Variants in ARFIP1 observed in about 807,000 individuals in gnomAD.
ARFIP1 encodes the protein ARF interacting protein 1.
In ARFIP1, 24 loss-of-function variants were observed where a neutral mutation model predicts 42.5. That is an observed-to-expected ratio of 0.57 (90% confidence interval 0.41 to 0.80). The LOEUF is 0.80. Ranked by LOEUF, ARFIP1 falls within the 30% of genes least tolerant of loss-of-function variation. The pLI is 0.00. For missense variants in ARFIP1, 354 were observed against 434.0 expected (o/e 0.82, Z 1.64); for synonymous variants, 141 against 153.7 (o/e 0.92, Z 0.61).
intron 1 of ARFIP1, among the ~76,000 whole-genome samples, chr4:152,795,820 A>ATGTTTTTTTTTTTTTTTTTT (rs1731416494): frequency 3.6e-5 from 1 of 28,066 alleles, no homozygotes; most frequent in Non-Finnish European, 6.2e-5. Context: ...GGCCCTTGTA[A>ATGTTTTTTTTTTTTTTTTTT]TTTTTTTTTT....
chr4:152,884,678 A>T (rs936649182), intron 7 of ARFIP1, among the ~76,000 whole-genome samples: 6 of 152,016 alleles, frequency 3.9e-5, no homozygotes, highest in Non-Finnish European at 5.9e-5. Context: ...TAAACAGTTT[A>T]TAATTAATTT....
chr4:152,901,586 G>T (rs1277279202), intron 8 of ARFIP1, among the ~76,000 whole-genome samples: 2 of 152,140 alleles, frequency 1.3e-5, no homozygotes, highest in Non-Finnish European at 2.9e-5. Context: ...TGCTGTAATT[G>T]TTTCTGATAT....
chr4:152,822,296 TA>T (rs70949618), intron 1 of ARFIP1, among the ~76,000 whole-genome samples: 5,796 of 65,458 alleles, frequency 0.089, 168 homozygotes, highest in African/African-American at 0.15. Context: ...GCAACAGCAG[TA>T]AAAAAAAAAA....
chr4:152,823,494 G>A (rs1730555970), intron 1 of ARFIP1, among the ~76,000 whole-genome samples: 1 of 152,160 alleles, frequency 6.6e-6, no homozygotes, highest in Non-Finnish European at 1.5e-5. Context: ...AATGATACCA[G>A]TTCTGGCTGG....
At chr4:152,781,446 A>T (rs1455734750) in intron 1 of ARFIP1, among the ~76,000 whole-genome samples, 1 of 152,112 alleles carries the variant, frequency 6.6e-6, no homozygotes, top group East Asian at 1.9e-4. Flanking sequence ...CGTGTTGGCC[A>T]GGCTGGTCTC....
chr4:152,881,729 A>G (rs1735862332), intron 6 of ARFIP1, among the ~76,000 whole-genome samples: 1 of 152,186 alleles, frequency 6.6e-6, no homozygotes, highest in Non-Finnish European at 1.5e-5. Flanking sequence ...GACTGAGTAC[A>G]GAGTGGAGTT....
chr4:152,790,065 G>C (rs1731059089), intron 1 of ARFIP1, among the ~76,000 whole-genome samples: 1 of 152,066 alleles, frequency 6.6e-6, no homozygotes, highest in South Asian at 2.1e-4. Context: ...GGAAATATAT[G>C]TGTGTACACT....
chr4:152,784,356 A>ATTTTCT lies in ARFIP1; in HGVS notation c.-10+4142_-10+4147dup, dbSNP rs1730673820. On this transcript the variant is annotated intron_variant, in intron 1 of 8. Transcript: ENST00000353617. ...TATTCTTTATGAGACAAAAGTATTTATTTTCTTTTTCTTTTTCCTTTATTC... is the reference window on the plus strand; with the variant it reads ...TATTCTTTATGAGACAAAAGTATTTATTTTCTTTTTCTTTTTCTTTTTCCTTTATTC... 2.6e-5 allele frequency among the ~76,000 whole-genome samples: 4 copies of ATTTTCT among 152,202 alleles called. No homozygotes were observed. In the South Asian group the frequency reaches 8.3e-4, roughly 32 times the overall value.
intron 8 of ARFIP1, among the ~76,000 whole-genome samples, chr4:152,894,085 A>G (rs540546778): frequency 1.3e-5 from 2 of 151,776 alleles, no homozygotes; most frequent in Non-Finnish European, 1.5e-5. Flanking sequence ...TAGCGTGCCC[A>G]TAATTCCAGC....
At chr4:152,905,921 A>G (rs1421836524) in intron 8 of ARFIP1, among the ~76,000 whole-genome samples, 1 of 152,104 alleles carries the variant, frequency 6.6e-6, no homozygotes, top group Non-Finnish European at 1.5e-5. Context: ...TTCCAAATAT[A>G]TGGCTTTTTC....
At chr4:152,847,213 A>C (rs1463410301) in intron 2 of ARFIP1, among the ~76,000 whole-genome samples, 3 of 132,386 alleles carry the variant, frequency 2.3e-5, no homozygotes, top group Non-Finnish European at 3.1e-5. Flanking sequence ...GCTCACTGCA[A>C]CCTCCGCCTC....
chr4:152,850,070 G>C (rs554598099), intron 2 of ARFIP1, among the ~76,000 whole-genome samples: 2 of 152,118 alleles, frequency 1.3e-5, no homozygotes, highest in African/African-American at 4.8e-5. Flanking sequence ...GCAAGTATAC[G>C]GAGGGAAAAT....
chr4:152,823,802 AAAGAATT>A (rs1730588113), intron 1 of ARFIP1, among the ~76,000 whole-genome samples: 1 of 137,432 alleles, frequency 7.3e-6, no homozygotes, highest in African/African-American at 2.7e-5. Context: ...AAAAAAAAAA[AAAGAATT>A]GGTACCAATT....
At chr4:152,838,881 A>G (rs574277970) in intron 2 of ARFIP1, among the ~76,000 whole-genome samples, 61 of 152,042 alleles carry the variant, frequency 4.0e-4, no homozygotes, top group African/African-American at 1.4e-3. Context: ...AATGCTTTCA[A>G]CTTTTCCCCA....
intron 1 of ARFIP1, among the ~76,000 whole-genome samples, chr4:152,801,382 A>G (rs1317056004): frequency 1.3e-5 from 2 of 152,168 alleles, no homozygotes; most frequent in Admixed American, 1.3e-4. Flanking sequence ...TGTGTTTGAG[A>G]AACAGTGGAG....
intron 8 of ARFIP1, among the ~76,000 whole-genome samples, chr4:152,908,892 G>GT (rs1491256279): frequency 3.8e-3 from 21 of 5,506 alleles, no homozygotes; most frequent in Admixed American, 0.015. Flanking sequence ...CTAGAGAGAA[G>GT]TGTGTGTGTG....
At chr4:152,866,456 C>T (rs995804102) in intron 3 of ARFIP1, among the ~76,000 whole-genome samples, 8 of 151,478 alleles carry the variant, frequency 5.3e-5, no homozygotes, top group East Asian at 2.0e-4. Flanking sequence ...CGGGCAGAGG[C>T]GCCCCTCACC....
intron 5 of ARFIP1, among the ~76,000 whole-genome samples, chr4:152,874,591 C>T (rs1735168415): frequency 6.6e-6 from 1 of 152,192 alleles, no homozygotes; most frequent in African/African-American, 2.4e-5. Flanking sequence ...TGGGCATTCA[C>T]TATCATTTGG....
chr4:152,813,018 C>T (rs528334909), intron 1 of ARFIP1, among the ~76,000 whole-genome samples: 5 of 152,200 alleles, frequency 3.3e-5, no homozygotes, highest in African/African-American at 1.2e-4. Context: ...TTCCTTCAGT[C>T]TAGCCTCCCA....
Sources: gnomAD v4.1 joint callset for allele counts (sites outside exome capture counted in the v4.1 genomes callset) on GRCh38, gnomAD v4.1.1 for gene constraint, MANE v1.5 for transcripts, NCBI Gene and HGNC (gene_info 2026-07-23, HGNC 2026-07-21) for gene names.